CD82: variants seen among roughly 807,000 people sequenced by gnomAD.
The protein encoded by CD82 is CD82 molecule.
CD82 carries 36 observed loss-of-function variants against 37.4 expected under a neutral mutation model. That is an observed-to-expected ratio of 0.96 (90% confidence interval 0.74 to 1.27). The LOEUF is 1.27. CD82 is among the 50% of genes most tolerant of loss of function. CD82 has a pLI of 0.00. For synonymous variants in CD82, 158 were observed against 137.4 expected (o/e 1.15, Z -1.05); for missense variants, 340 against 347.0 (o/e 0.98, Z 0.16).
At chr11:44,569,623 T>TGC (rs1272949329) in intron 1 of CD82, among the ~76,000 whole-genome samples, 7 of 152,116 alleles carry the variant, frequency 4.6e-5, no homozygotes, top group African/African-American at 1.7e-4. Flanking sequence ...TACTCAGGCA[T>TGC]GCGCACACAC....
At chr11:44,579,795 T>A (rs1244693094) in intron 1 of CD82, among the ~76,000 whole-genome samples, 1 of 152,114 alleles carries the variant, frequency 6.6e-6, no homozygotes, top group Non-Finnish European at 1.5e-5. Context: ...ATCTCCGCAG[T>A]AGACCATGGA....
intron 1 of CD82, among the ~76,000 whole-genome samples, chr11:44,577,439 C>T (rs1433368587): frequency 6.6e-6 from 1 of 152,174 alleles, no homozygotes; most frequent in Non-Finnish European, 1.5e-5. Flanking sequence ...CTCTCGGGTT[C>T]TGTGCAGTGG....
At chr11:44,596,082 C>T (rs933261329) in intron 3 of CD82, among the ~76,000 whole-genome samples, 10 of 152,342 alleles carry the variant, frequency 6.6e-5, no homozygotes, top group East Asian at 5.8e-4. Flanking sequence ...ACCCTGGCCC[C>T]GGCCCTAGCT....
Position 44,618,242 on chromosome 11 carries a change from CT to C in CD82, c.520del (p.Cys174ValfsTer15). ...LMNRPEVTYP[C>X]SCEVKGEEDN... The stretch of plus-strand genomic sequence containing the variant: ...TGAATCGCCCTGAGGTCACCTACCC[CT>C]GTTCCTGCGAAGTCAAGGGGGAAGA... On this transcript the variant is annotated frameshift_variant, in exon 8 of 10. Coordinates refer to ENST00000227155, the MANE Select transcript of CD82 (RefSeq NM_002231.4). LOFTEE classifies it high-confidence loss of function. 1 of 1,614,138 alleles carries C rather than the reference CT, an allele frequency of 6.2e-7. No homozygotes were observed. Among genetic ancestry groups the C allele is most frequent in the Non-Finnish European group, 8.5e-7 (1 of 1,180,046 alleles).
chr11:44,600,305 C>A, intron 4 of CD82, 75 bp downstream of exon 4: 1 of 1,395,710 alleles, frequency 7.2e-7, no homozygotes, highest in Non-Finnish European at 1.0e-6. Flanking sequence ...CAGCTGCTCC[C>A]ATAAGTGCTT....
chr11:44,574,733 G>A (rs951437193), intron 1 of CD82, among the ~76,000 whole-genome samples: 1 of 152,168 alleles, frequency 6.6e-6, no homozygotes, highest in Admixed American at 6.5e-5. Flanking sequence ...ATACAAGATT[G>A]GGATTGTACC....
At chr11:44,589,143 C>A (rs975972582) in intron 2 of CD82, among the ~76,000 whole-genome samples, 1 of 152,218 alleles carries the variant, frequency 6.6e-6, no homozygotes, top group Non-Finnish European at 1.5e-5. Flanking sequence ...GTAATCCCAG[C>A]TACTCTGGAG....
chr11:44,585,161 C>T (rs1853035458), intron 1 of CD82: 1 of 455,832 alleles, frequency 2.2e-6, no homozygotes, highest in East Asian at 6.9e-5. Flanking sequence ...CCAGGAGCAG[C>T]AGTGGTCATC....
chr11:44,567,207 C>T (rs1470318693), intron 1 of CD82, among the ~76,000 whole-genome samples: 3 of 151,896 alleles, frequency 2.0e-5, no homozygotes, highest in African/African-American at 7.3e-5. Context: ...GGGATGGGGG[C>T]GAGGGGCAAT....
rs569628883 is a variant in CD82 at position 44,619,258 on chromosome 11, G to A, written c.*132G>A. ...TCTTGCCCATCCTGACTGAAAGTAG[G>A]GGGCTTTCTGGGGCCTAGCGATCTC... On this transcript the variant is annotated 3_prime_UTR_variant, in exon 10 of 10. Coordinates refer to ENST00000227155, the MANE Select transcript of CD82 (RefSeq NM_002231.4). The A allele has an allele frequency of 7.8e-5, 55 of 703,250 alleles. No individual in the cohort carries two copies. Among genetic ancestry groups the A allele is most frequent in the Middle Eastern group, 3.0e-4 (1 of 3,348 alleles). 43.6% of individuals were successfully genotyped at this position (703,250 alleles called of 1,614,324 possible). A position where few individuals can be genotyped will look rare whatever the true frequency, so the allele number is the denominator to read the frequency against.
intron 3 of CD82, among the ~76,000 whole-genome samples, chr11:44,598,799 C>G (rs891999171): frequency 1.3e-5 from 2 of 152,142 alleles, no homozygotes; most frequent in African/African-American, 4.8e-5. Context: ...GCTCGGGGCT[C>G]TATGGCAGCT....
intron 1 of CD82, among the ~76,000 whole-genome samples, chr11:44,585,536 G>C (rs564909868): frequency 1.3e-5 from 2 of 152,324 alleles, no homozygotes; most frequent in Non-Finnish European, 2.9e-5. Context: ...GCACTAGCCT[G>C]ATGGCGATTC....
At position 44,608,303 on chromosome 11, in the gene CD82, C is replaced by T. The variant is rs140984004; in HGVS notation, c.336+2874C>T. On this transcript the variant is annotated intron_variant, in intron 6 of 9. Transcript: ENST00000227155. ...CCCTGCTGTGGTCTCCAGGGCTGCC[C>T]TCTGTCCTTCCTGCCTCTGTCACCC... is the stretch of plus-strand genomic sequence containing the variant. Among the ~76,000 whole-genome samples, 157 of 152,244 alleles carry T rather than the reference C, an allele frequency of 1.0e-3. 5 individuals carry two copies. The East Asian group carries it at 0.028, about 27-fold the overall frequency.
chr11:44,596,398 C>T (rs538329359), intron 3 of CD82, among the ~76,000 whole-genome samples: 242 of 152,370 alleles, frequency 1.6e-3, no homozygotes, highest in African/African-American at 5.6e-3. Context: ...GGAGCCTGGG[C>T]TCTGGCCTAG....
chr11:44,590,490 A>G (rs1169403414), intron 2 of CD82, among the ~76,000 whole-genome samples: 1 of 150,892 alleles, frequency 6.6e-6, no homozygotes, highest in African/African-American at 2.4e-5. Flanking sequence ...GGGCGCCTGT[A>G]GTCCCAGCTA....
intron 3 of CD82, 134 bp from the exon 4 acceptor site, chr11:44,600,024 G>A: frequency 2.6e-6 from 2 of 784,156 alleles, no homozygotes; most frequent in Non-Finnish European, 2.2e-6. Flanking sequence ...GACATCTCTG[G>A]GCTGGAGAAG....
In CD82 at chr11:44,592,038, C is replaced by T. The variant is rs140868417; in HGVS notation, c.-20-2605C>T. ...TTCACCATGTTGGCCAGGCTGGTCT[C>T]GAACTCCTGACCTCAGGTCTTCTGC... On this transcript the variant is annotated intron_variant, in intron 2 of 9. Transcript: ENST00000227155. Among the ~76,000 whole-genome samples, 361 of 152,198 alleles carry T rather than the reference C, an allele frequency of 2.4e-3. 3 individuals are homozygous for T. Among genetic ancestry groups the T allele is most frequent in the African/African-American group, 8.4e-3 (348 of 41,524 alleles).
chr11:44,608,819 T>TC (rs1281993858), intron 6 of CD82, among the ~76,000 whole-genome samples: 4 of 152,216 alleles, frequency 2.6e-5, no homozygotes, highest in African/African-American at 4.8e-5. Context: ...GTGTGATCTG[T>TC]CCCTCCAGGC....
intron 7 of CD82, among the ~76,000 whole-genome samples, chr11:44,616,278 T>C (rs532245591): frequency 5.7e-4 from 87 of 152,124 alleles, no homozygotes; most frequent in Non-Finnish European, 1.0e-3. Context: ...AGAGCGATGT[T>C]TTCTGGCCCT....
Sources: allele counts gnomAD v4.1 joint callset (sites outside exome capture counted in the v4.1 genomes callset), GRCh38; gene constraint gnomAD v4.1.1; transcripts MANE v1.5; gene names NCBI Gene and HGNC (gene_info 2026-07-23, HGNC 2026-07-21).